Variants in KATNAL1 observed in about 807,000 individuals in gnomAD.
KATNAL1 encodes katanin catalytic subunit A1 like 1, also known as katanin p60 ATPase-containing subunit A-like 1.
KATNAL1 carries 32 observed loss-of-function variants against 55.2 expected under a neutral mutation model. The ratio of observed to expected loss-of-function variants is 0.58; its 90% CI spans 0.44 to 0.78. KATNAL1 has a LOEUF of 0.78. Ranked by LOEUF, KATNAL1 falls within the 30% of genes least tolerant of loss-of-function variation. The pLI, the probability that KATNAL1 is intolerant of heterozygous loss-of-function variation, is 0.00. For synonymous variants in KATNAL1, 193 were observed against 193.6 expected, an observed-to-expected ratio of 1.00 and a Z score of 0.02; for missense variants, 466 against 600.9, an observed-to-expected ratio of 0.78 and a Z score of 2.35.
At chr13:30,263,126 T>C (rs1351620704) in intron 3 of KATNAL1, among the ~76,000 whole-genome samples, 2 of 152,150 alleles carry the variant, frequency 1.3e-5, no homozygotes, top group East Asian at 3.8e-4. Context: ...AACCACATGA[T>C]TATCTCAATA....
At chr13:30,242,312 AAT>A (rs1169340009) in intron 4 of KATNAL1, among the ~76,000 whole-genome samples, 1 of 152,232 alleles carries the variant, frequency 6.6e-6, no homozygotes, top group East Asian at 1.9e-4. Flanking sequence ...GAAAGAACTT[AAT>A]AAACACTACC....
At chr13:30,255,388 A>T in intron 4 of KATNAL1, 59 bp downstream of exon 4, 8 of 1,327,996 alleles carry the variant, frequency 6.0e-6, no homozygotes, top group Non-Finnish European at 7.9e-6. Context: ...CAAAAATCAT[A>T]ACATCCACCA....
At chr13:30,238,615 C>T (rs929925645) in intron 6 of KATNAL1, among the ~76,000 whole-genome samples, 1 of 152,170 alleles carries the variant, frequency 6.6e-6, no homozygotes, top group Admixed American at 6.5e-5. Flanking sequence ...TTGAATCCCA[C>T]GTCCTCAAGC....
At chr13:30,275,168 C>T (rs1159716292) in intron 3 of KATNAL1, among the ~76,000 whole-genome samples, 1 of 152,118 alleles carries the variant, frequency 6.6e-6, no homozygotes, top group Non-Finnish European at 1.5e-5. Flanking sequence ...GCAGGCTGTA[C>T]AAGCACAACA....
chr13:30,239,811 G>T (rs973089357), intron 6 of KATNAL1, among the ~76,000 whole-genome samples: 1 of 150,528 alleles, frequency 6.6e-6, no homozygotes, highest in Non-Finnish European at 1.5e-5. Context: ...TCAGCCTCCC[G>T]AGTAGCTGGG....
intron 1 of KATNAL1, among the ~76,000 whole-genome samples, chr13:30,285,561 C>A (rs201428762): frequency 6.6e-6 from 1 of 152,192 alleles, no homozygotes; most frequent in East Asian, 1.9e-4. Context: ...AATTAAACCT[C>A]TTTTCTTTAT....
intron 1 of KATNAL1, chr13:30,296,107 G>A (rs1328790951): frequency 5.7e-6 from 2 of 347,828 alleles, no homozygotes; most frequent in Non-Finnish European, 1.1e-5. Context: ...GCACGTGATC[G>A]TCCGTGCATC....
At chr13:30,296,592 T>C (rs1429769117) in intron 1 of KATNAL1, 5 of 724,864 alleles carry the variant, frequency 6.9e-6, no homozygotes, top group Admixed American at 1.8e-5. Flanking sequence ...GGGACGCTCA[T>C]TGGATGAGGC....
intron 3 of KATNAL1, among the ~76,000 whole-genome samples, chr13:30,261,595 C>G (rs1879291215): frequency 6.6e-6 from 1 of 152,110 alleles, no homozygotes; most frequent in Non-Finnish European, 1.5e-5. Context: ...GACTTTAAAC[C>G]AACAAAGATC....
intron 2 of KATNAL1, among the ~76,000 whole-genome samples, chr13:30,281,436 C>T (rs1425555237): frequency 1.3e-5 from 2 of 152,024 alleles, no homozygotes; most frequent in Non-Finnish European, 2.9e-5. Flanking sequence ...TTAACACACA[C>T]AATTCAGAAT....
chr13:30,288,583 T>C (rs536162724), intron 1 of KATNAL1, among the ~76,000 whole-genome samples: 3 of 152,356 alleles, frequency 2.0e-5, no homozygotes, highest in Non-Finnish European at 2.9e-5. Flanking sequence ...TTAGTTTTGA[T>C]ATAACAACTG....
At chr13:30,304,306 T>C (rs1883048677) in intron 1 of KATNAL1, among the ~76,000 whole-genome samples, 1 of 151,164 alleles carries the variant, frequency 6.6e-6, no homozygotes, top group African/African-American at 2.4e-5. Flanking sequence ...AGTCTCGCTC[T>C]GTCACCAGGC....
chr13:30,223,456 A>C (rs1216730890), intron 9 of KATNAL1, among the ~76,000 whole-genome samples: 2 of 150,780 alleles, frequency 1.3e-5, no homozygotes, highest in East Asian at 1.9e-4. Context: ...AAAAAAAAAA[A>C]AAAAAAAAAA....
At position 30,207,730 on chromosome 13, in the gene KATNAL1, C is replaced by T. The variant is rs1490905911; in HGVS notation, c.*810G>A. Reference sequence around the variant, plus strand: ...TGCAGTGAGCCAAGATCAACCACTGCACTACACAGCCTGGGTGACACAGAC... The same window carrying T: ...TGCAGTGAGCCAAGATCAACCACTGTACTACACAGCCTGGGTGACACAGAC... On this transcript the variant is annotated 3_prime_UTR_variant, in exon 11 of 11. Coordinates refer to ENST00000380615, the MANE Select transcript of KATNAL1 (RefSeq NM_032116.5). 6.6e-6 allele frequency: 1 copy of T among 152,140 alleles called. No homozygotes were observed. The highest frequency in any genetic ancestry group is 1.5e-5 in the Non-Finnish European group (1 of 68,034). The allele number at this position is 152,140 out of a possible 1,614,324, so 9.4% of individuals were successfully genotyped here.
intron 9 of KATNAL1, 73 bp from the exon 10 acceptor site, chr13:30,210,515 A>C: frequency 1.4e-6 from 2 of 1,416,874 alleles, no homozygotes; most frequent in South Asian, 2.7e-5. Context: ...TGACATATTA[A>C]CATTTGGGGG....
chr13:30,258,195 C>T (rs1437963168), intron 3 of KATNAL1, among the ~76,000 whole-genome samples: 1 of 152,220 alleles, frequency 6.6e-6, no homozygotes, highest in Non-Finnish European at 1.5e-5. Context: ...ACAAAAATAT[C>T]TGTGCTGTGT....
intron 3 of KATNAL1, among the ~76,000 whole-genome samples, chr13:30,269,795 C>T (rs1260198548): frequency 1.0e-4 from 15 of 143,680 alleles, no homozygotes; most frequent in African/African-American, 2.3e-4. Context: ...CCCCTCCGCC[C>T]GGCAGCCGCC....
At chr13:30,274,907 G>GCGCACACACACACACA (rs869107567) in intron 3 of KATNAL1, among the ~76,000 whole-genome samples, 5 of 105,390 alleles carry the variant, frequency 4.7e-5, no homozygotes, top group African/African-American at 8.1e-5. Flanking sequence ...GCGCGCGCGC[G>GCGCACACACACACACA]CACACACACA....
chr13:30,294,271 C>G (rs2137559026), intron 1 of KATNAL1, among the ~76,000 whole-genome samples: 1 of 152,162 alleles, frequency 6.6e-6, no homozygotes, highest in Non-Finnish European at 1.5e-5. Flanking sequence ...GCCAAAGAGC[C>G]AAGTTGTAAA....
Sources: gnomAD v4.1 joint callset for allele counts (sites outside exome capture counted in the v4.1 genomes callset) on GRCh38, gnomAD v4.1.1 for gene constraint, MANE v1.5 for transcripts, NCBI Gene and HGNC (gene_info 2026-07-23, HGNC 2026-07-21) for gene names.